TFG: variants seen among roughly 807,000 people sequenced by gnomAD.
TFG encodes the protein trafficking from ER to golgi regulator.
A neutral mutation model predicts 51.4 loss-of-function variants in TFG; 22 were observed. The observed-to-expected ratio is 0.43, with a 90% confidence interval of 0.31 to 0.61. The LOEUF (loss-of-function observed/expected upper bound fraction) is 0.61, where lower values mean the gene tolerates loss of function less well. Among genes scored for constraint, TFG ranks in the 20% least tolerant of loss-of-function variants. The probability of loss-of-function intolerance (pLI) is 0.12; values close to 1 mark genes in which losing one functional copy is unlikely to be tolerated. For synonymous variants in TFG, 187 were observed against 165.6 expected (o/e 1.13, Z -0.99); for missense variants, 419 against 487.7 (o/e 0.86, Z 1.33).
intron 2 of TFG, among the ~76,000 whole-genome samples, chr3:100,716,743 C>A (rs1367216125): frequency 2.0e-5 from 3 of 151,880 alleles, no homozygotes; most frequent in Non-Finnish European, 4.4e-5. Context: ...CTGGGGTGAA[C>A]CTTGTTGTGG....
chr3:100,736,835 T>A (rs943146650), intron 6 of TFG, 119 bp downstream of exon 6: 2 of 1,105,796 alleles, frequency 1.8e-6, no homozygotes, highest in African/African-American at 3.1e-5. Flanking sequence ...AAATTTTGAT[T>A]TACTGACATG....
Position 100,728,964 on chromosome 3 carries a change from C to T in TFG, c.415+106C>T, listed in dbSNP as rs2095083770. 5 of 986,042 alleles carry T rather than the reference C, an allele frequency of 5.1e-6. No homozygotes were observed. The East Asian group carries it at 1.4e-4, about 27-fold the overall frequency. 61.1% of individuals were successfully genotyped at this position (986,042 alleles called of 1,614,324 possible). ...GAAGGATGGCATCCCCAATGTCACT[C>T]TTGTTTCTTCCTCTGCCTCTCTACT... is the stretch of plus-strand genomic sequence containing the variant. On this transcript the variant is annotated intron_variant, in intron 4 of 7. Coordinates refer to ENST00000240851, the MANE Select transcript of TFG (RefSeq NM_006070.6).
At chr3:100,715,952 CAAAT>C (rs1483043378) in intron 2 of TFG, among the ~76,000 whole-genome samples, 1 of 150,408 alleles carries the variant, frequency 6.6e-6, no homozygotes, top group African/African-American at 2.5e-5. Flanking sequence ...TTTTAATTGA[CAAAT>C]AATAATTGTA....
chr3:100,719,637 G>T (rs1313364496), intron 2 of TFG, among the ~76,000 whole-genome samples: 1 of 152,166 alleles, frequency 6.6e-6, no homozygotes, highest in Non-Finnish European at 1.5e-5. Context: ...GGAATGAAAA[G>T]ATTTCAGTCT....
At chr3:100,733,816 C>G (rs531634711) in intron 5 of TFG, among the ~76,000 whole-genome samples, 91 of 152,178 alleles carry the variant, frequency 6.0e-4, no homozygotes, top group African/African-American at 2.0e-3. Flanking sequence ...GAAAAGCGCT[C>G]TCTAAAAGAA....
intron 3 of TFG, among the ~76,000 whole-genome samples, chr3:100,721,150 A>G (rs2149068038): frequency 6.6e-6 from 1 of 152,360 alleles, no homozygotes; most frequent in East Asian, 1.9e-4. Context: ...ACTATTGACT[A>G]GGCATAAAGC....
At chr3:100,722,748 C>A (rs2095064378) in intron 3 of TFG, among the ~76,000 whole-genome samples, 1 of 152,094 alleles carries the variant, frequency 6.6e-6, no homozygotes, top group Non-Finnish European at 1.5e-5. Flanking sequence ...AGAAAAATAA[C>A]TAGAAAAGTA....
intron 6 of TFG, among the ~76,000 whole-genome samples, chr3:100,740,502 C>G (rs2095118424): frequency 6.6e-6 from 1 of 152,112 alleles, no homozygotes; most frequent in Non-Finnish European, 1.5e-5. Context: ...ACTGTCATTT[C>G]TGCAATATTT....
intron 6 of TFG, chr3:100,743,683 A>C (rs2126540): frequency 0.67 from 102,117 of 151,898 alleles, 34,511 homozygotes; most frequent in South Asian, 0.83. Context: ...CAGCACTAAA[A>C]ACTTAGACAC....
At chr3:100,718,017 T>C (rs1320369584) in intron 2 of TFG, among the ~76,000 whole-genome samples, 1 of 152,158 alleles carries the variant, frequency 6.6e-6, no homozygotes, top group Non-Finnish European at 1.5e-5. Context: ...CTTGAACTCC[T>C]GGGCTCAAGC....
intron 7 of TFG, among the ~76,000 whole-genome samples, chr3:100,747,020 C>T (rs544188432): frequency 6.6e-6 from 1 of 152,260 alleles, no homozygotes; most frequent in Admixed American, 6.5e-5. Context: ...AAGAACTAAG[C>T]TTGCTCTTAA....
At chr3:100,709,790 G>C (rs1303919340) in intron 1 of TFG, 69 bp downstream of exon 1, 1 of 150,052 alleles carries the variant, frequency 6.7e-6, no homozygotes, top group Non-Finnish European at 1.5e-5. Context: ...GAGGCGCTGG[G>C]AGGGCCTCGT....
chr3:100,741,203 T>C (rs919912547), intron 6 of TFG, among the ~76,000 whole-genome samples: 1 of 152,130 alleles, frequency 6.6e-6, no homozygotes, highest in African/African-American at 2.4e-5. Context: ...CAGGCTCAGA[T>C]AGGTCCTTCA....
At chr3:100,710,961 C>T (rs2095029360) in intron 1 of TFG, 1 of 152,206 alleles carries the variant, frequency 6.6e-6, no homozygotes, top group Non-Finnish European at 1.5e-5. Context: ...TTTGTGTTTA[C>T]TCTGGGGAGA....
rs1217643822 is a variant in TFG, at chr3:100,748,565, A to C, written c.*34A>C. 14 of 1,564,410 alleles carry C rather than the reference A, an allele frequency of 8.9e-6. No homozygotes were observed. Among genetic ancestry groups the C allele is most frequent in the Non-Finnish European group, 1.2e-5 (14 of 1,153,268 alleles). On this transcript the variant is annotated 3_prime_UTR_variant, in exon 8 of 8. Coordinates refer to ENST00000240851, the MANE Select transcript of TFG (RefSeq NM_006070.6). ...CTCTACACCAATTAATGTAGCTGCT[A>C]GCTATTGGCCTCCCAAAAGACTCCA...
chr3:100,712,856 T>G (rs957589861), intron 1 of TFG, among the ~76,000 whole-genome samples: 6 of 152,152 alleles, frequency 3.9e-5, no homozygotes, highest in Non-Finnish European at 8.8e-5. Context: ...ATAAGGAATC[T>G]GAATCATATG....
Position 100,748,402 on chromosome 3 carries a change from A to G in TFG, c.1074A>G (p.Gln358=), listed in dbSNP as rs2095155603. ...CTCCAAGCCAACCTGGGGCCTATCA[A>G]CCAAGACCAGGTTTTACTTCACTTC... The part of the protein sequence containing the change: ...GMAPSQPGAY[Q]PRPGFTSLPG... Residue 358 remains glutamine, a synonymous_variant, in exon 8 of 8, where the codon CAA becomes CAG. Transcript: ENST00000240851. The G allele has an allele frequency of 6.2e-7, 1 of 1,614,010 alleles. No individual in the cohort carries two copies.
chr3:100,734,066 C>CT (rs371684906), intron 5 of TFG, among the ~76,000 whole-genome samples: 2,192 of 143,382 alleles, frequency 0.015, 59 homozygotes, highest in African/African-American at 0.052. Flanking sequence ...TTTTTTTTTG[C>CT]TTTTTTTTTT....
At position 100,736,710 on chromosome 3, in the gene TFG, A is replaced by G; in HGVS notation, c.715A>G (p.Ile239Val). The G allele has an allele frequency of 1.2e-6, 2 of 1,613,910 alleles. No homozygotes were observed. The highest frequency in any genetic ancestry group is 8.5e-7 in the Non-Finnish European group (1 of 1,179,882). The change falls in exon 6 of 8, where the codon ATT becomes GTT. Residue 239 changes from isoleucine to valine, a missense_variant. Around this residue, in one of 3 missense-constraint regions of TFG, gnomAD observed 391 missense variants for 434.4 expected, o/e 0.90. Coordinates refer to ENST00000240851, the MANE Select transcript of TFG (RefSeq NM_006070.6). ...YTGAQTQAGQ[I>V]EGQMYQQYQQ... ...AGGAGCTCAGACTCAAGCAGGTCAG[A>G]TTGAAGGTAAAATAGAGTTTAGAAC...
Sources: gnomAD v4.1 joint callset for allele counts (sites outside exome capture counted in the v4.1 genomes callset) on GRCh38, gnomAD v4.1.1 for gene constraint, gnomAD v4.1.1 regional missense constraint, MANE v1.5 for transcripts, NCBI Gene and HGNC (gene_info 2026-07-23, HGNC 2026-07-21) for gene names.